The following DCT variants were observed in gnomAD, a reference collection of about 807,000 sequenced individuals.
DCT encodes L-dopachrome tautomerase.
A neutral mutation model predicts 53.0 loss-of-function variants in DCT; 47 were observed. The observed-to-expected ratio is 0.89, with a 90% CI of 0.70 to 1.13. DCT has a LOEUF of 1.13. Among genes scored for constraint, DCT ranks in the 50% most tolerant of loss-of-function variants. The pLI is 0.00. For synonymous variants in DCT, 244 were observed against 237.0 expected, an observed-to-expected ratio of 1.03 and a Z score of -0.27; for missense variants, 669 against 637.4, an observed-to-expected ratio of 1.05 and a Z score of -0.53.
At position 94,462,141 on chromosome 13, in the gene DCT, T is replaced by C. The variant is rs1208505233; in HGVS notation, c.912A>G (p.Glu304=). The change falls in exon 5 of 8, where the codon GAA becomes GAG. Residue 304 remains glutamate, a synonymous_variant. Coordinates refer to ENST00000377028, the MANE Select transcript of DCT (RefSeq NM_001922.5). ...CCATTTGATTTCTTCTCAGCAAACC[T>C]TCATAGGTTCCATTGCACAAGGTGA... The part of the protein sequence containing the change: ...HLVTLCNGTY[E]GLLRRNQMGR... The C allele has an allele frequency of 1.9e-6, 3 of 1,613,414 alleles. No individual in the cohort carries two copies. The highest frequency in any genetic ancestry group is 2.5e-6 in the Non-Finnish European group (3 of 1,179,770).
chr13:94,541,918 A>T, the DCT span, among the ~76,000 whole-genome samples: 1 of 152,202 alleles, frequency 6.6e-6, no homozygotes, highest in Non-Finnish European at 1.5e-5. Flanking sequence ...GGGACTCCAG[A>T]GGCAGGACCA....
chr13:94,479,573 C>G lies in DCT; in HGVS notation c.-318G>C, dbSNP rs1885349986. The G allele has an allele frequency of 7.9e-6, 2 of 252,430 alleles. No individual in the cohort carries two copies. The highest frequency in any genetic ancestry group is 1.6e-4 in the East Asian group (2 of 12,638). 15.6% of individuals were successfully genotyped at this position (252,430 alleles called of 1,614,324 possible). A position where few individuals can be genotyped will look rare whatever the true frequency, so the allele number is the denominator to read the frequency against. ...CTTCCCCCGTTAAGTCAGGCTTTGT[C>G]TAATTGAGTTAATTTACAGAGCACC... On this transcript the variant is annotated 5_prime_UTR_variant, in exon 1 of 8. Coordinates refer to ENST00000377028, the MANE Select transcript of DCT (RefSeq NM_001922.5).
the DCT span, among the ~76,000 whole-genome samples, chr13:94,535,763 G>A: frequency 1.1e-4 from 17 of 152,286 alleles, no homozygotes; most frequent in Middle Eastern, 3.4e-3. Flanking sequence ...AATAGTTGGA[G>A]CAAAGACAGA....
At chr13:94,498,575 A>G in the DCT span, among the ~76,000 whole-genome samples, 4 of 152,216 alleles carry the variant, frequency 2.6e-5, no homozygotes, top group African/African-American at 4.8e-5. Flanking sequence ...ACTAAACTCA[A>G]CTTCCAGCTT....
At chr13:94,497,821 C>G in the DCT span, among the ~76,000 whole-genome samples, 1 of 152,048 alleles carries the variant, frequency 6.6e-6, no homozygotes, top group African/African-American at 2.4e-5. Context: ...AAAAAAAACT[C>G]CATGTACAAA....
chr13:94,506,890 A>C, the DCT span, among the ~76,000 whole-genome samples: 3 of 152,194 alleles, frequency 2.0e-5, no homozygotes, highest in Non-Finnish European at 4.4e-5. Context: ...CTTGCCAAAA[A>C]TGTTTAGCTT....
At chr13:94,492,997 T>C in the DCT span, among the ~76,000 whole-genome samples, 3 of 152,134 alleles carry the variant, frequency 2.0e-5, no homozygotes, top group Non-Finnish European at 4.4e-5. Context: ...AACATGGCAG[T>C]CATAGAGAAT....
chr13:94,496,298 A>G, the DCT span, among the ~76,000 whole-genome samples: 1 of 151,972 alleles, frequency 6.6e-6, no homozygotes, highest in Non-Finnish European at 1.5e-5. Flanking sequence ...GGTTGAAGGG[A>G]TTCTCCTGCC....
the DCT span, among the ~76,000 whole-genome samples, chr13:94,506,901 C>A: frequency 6.6e-6 from 1 of 152,138 alleles, no homozygotes; most frequent in Non-Finnish European, 1.5e-5. Flanking sequence ...TGTTTAGCTT[C>A]AATCTATTAA....
chr13:94,465,916 T>C (rs1389368676), intron 3 of DCT, 117 bp from the exon 4 acceptor site: 1 of 470,566 alleles, frequency 2.1e-6, no homozygotes, highest in Non-Finnish European at 3.3e-6. Flanking sequence ...CAAAGACTAC[T>C]GGATGGATAA....
chr13:94,454,193 T>C (rs2139306597), intron 6 of DCT, among the ~76,000 whole-genome samples: 1 of 152,326 alleles, frequency 6.6e-6, no homozygotes, highest in South Asian at 2.1e-4. Context: ...ATTTAGAATG[T>C]CAACGTACAA....
chr13:94,467,541 A>G (rs1205994339), intron 2 of DCT: 1 of 152,218 alleles, frequency 6.6e-6, no homozygotes, highest in African/African-American at 2.4e-5. Flanking sequence ...GGAAAACTAT[A>G]AAGGTTTATA....
chr13:94,470,100 A>G lies in DCT; in HGVS notation c.296-1055T>C, dbSNP rs1488685390. On this transcript the variant is annotated intron_variant, in intron 1 of 7. Coordinates refer to ENST00000377028, the MANE Select transcript of DCT (RefSeq NM_001922.5). ...AAAAAGAAAGAAAAGAAAGAAAGAA[A>G]GGAAGAGAAAGAAAGAGAGAGAGAA... Among the ~76,000 whole-genome samples, 5 of 152,142 alleles carry G rather than the reference A, an allele frequency of 3.3e-5. No homozygotes were observed. The East Asian group carries it at 9.6e-4, about 29-fold the overall frequency.
Position 94,439,528 on chromosome 13 carries a change from G to A in DCT, c.*370C>T, listed in dbSNP as rs1264224170. Reference sequence around the variant, plus strand: ...TCTTGGCCAGGTCTCACATTGCACTGACCTGCAAATTTAAATGACTCCCCT... The same window carrying A: ...TCTTGGCCAGGTCTCACATTGCACTAACCTGCAAATTTAAATGACTCCCCT... On this transcript the variant is annotated 3_prime_UTR_variant, in exon 8 of 8. Transcript: ENST00000377028. 6.0e-6 allele frequency: 1 copy of A among 165,608 alleles called. No homozygotes were observed. The highest frequency in any genetic ancestry group is 2.4e-5 in the African/African-American group (1 of 41,458). 10.3% of individuals were successfully genotyped at this position (165,608 alleles called of 1,614,324 possible).
At chr13:94,503,027 C>T in the DCT span, among the ~76,000 whole-genome samples, 2 of 152,122 alleles carry the variant, frequency 1.3e-5, no homozygotes, top group Non-Finnish European at 2.9e-5. Context: ...ATGATGTGCT[C>T]GAGACCTAAG....
intron 1 of DCT, among the ~76,000 whole-genome samples, chr13:94,473,780 GTA>G (rs201038038): frequency 0.23 from 35,164 of 152,054 alleles, 4,374 homozygotes; most frequent in Non-Finnish European, 0.28. Flanking sequence ...AAGTGGGGGG[GTA>G]AAGAAAGCTT....
chr13:94,493,731 G>A, the DCT span, among the ~76,000 whole-genome samples: 1 of 152,194 alleles, frequency 6.6e-6, no homozygotes, highest in Non-Finnish European at 1.5e-5. Flanking sequence ...GTTGCCAGAG[G>A]CTTGTAGGGA....
intron 1 of DCT, 45 bp downstream of exon 1, chr13:94,478,916 C>T (rs1343453565): frequency 6.5e-7 from 1 of 1,538,228 alleles, no homozygotes; most frequent in Non-Finnish European, 8.8e-7. Context: ...GGAGCTCTTT[C>T]CCCAGCTCTG....
In DCT at chr13:94,438,278, A is replaced by G. The variant is rs1448321770; in HGVS notation, c.*1620T>C. 3.6e-5 allele frequency: 6 copies of G among 166,824 alleles called. No homozygotes were observed. The highest frequency in any genetic ancestry group is 7.8e-5 in the Non-Finnish European group (6 of 77,264). 10.3% of individuals were successfully genotyped at this position (166,824 alleles called of 1,614,324 possible). A position where few individuals can be genotyped will look rare whatever the true frequency, so the allele number is the denominator to read the frequency against. ...TGAATATTGTTAATGGCAGGAACTG[A>G]GAGGTATCCATGTGGCTGAGGCTAA... On this transcript the variant is annotated 3_prime_UTR_variant, in exon 8 of 8. Transcript: ENST00000377028.
Sources: allele counts gnomAD v4.1 joint callset (sites outside exome capture counted in the v4.1 genomes callset), GRCh38; gene constraint gnomAD v4.1.1; transcripts MANE v1.5; gene names NCBI Gene and HGNC (gene_info 2026-07-23, HGNC 2026-07-21).